Variants in COL4A1 observed in about 807,000 individuals in gnomAD.
The protein encoded by COL4A1 is collagen alpha-1(IV) chain.
A neutral mutation model predicts 216.6 loss-of-function variants in COL4A1; 40 were observed. That is an observed-to-expected ratio of 0.18 (90% CI 0.14 to 0.24). The LOEUF (loss-of-function observed/expected upper bound fraction) is 0.24. Among genes scored for constraint, COL4A1 ranks in the 10% least tolerant of loss-of-function variants. The pLI is 1.00. For synonymous variants in COL4A1, 839 were observed against 810.7 expected (o/e 1.03, Z -0.59); for missense variants, 1,628 against 2,196.8 (o/e 0.74, Z 5.18).
At chr13:110,239,058 G>A (rs1881445829) in intron 2 of COL4A1, among the ~76,000 whole-genome samples, 1 of 152,104 alleles carries the variant, frequency 6.6e-6, no homozygotes, top group Non-Finnish European at 1.5e-5. Flanking sequence ...GAAGATATGA[G>A]TGGCCTTCCA....
At chr13:110,231,915 G>A (rs897302882) in intron 2 of COL4A1, among the ~76,000 whole-genome samples, 1 of 152,230 alleles carries the variant, frequency 6.6e-6, no homozygotes, top group African/African-American at 2.4e-5. Flanking sequence ...GACGCCCACA[G>A]AAAATTCTCT....
chr13:110,305,826 A>C (rs1884675725), intron 1 of COL4A1: 2 of 152,254 alleles, frequency 1.3e-5, no homozygotes, highest in South Asian at 4.1e-4. Flanking sequence ...AACAATTTCT[A>C]TACAGTTAAG....
chr13:110,251,405 C>T (rs977101611), intron 1 of COL4A1, among the ~76,000 whole-genome samples: 5 of 152,264 alleles, frequency 3.3e-5, no homozygotes, highest in Non-Finnish European at 7.3e-5. Context: ...CACTCCTTCA[C>T]AGCTCCTGGC....
In COL4A1 at chr13:110,219,675, T is replaced by TGTGTATATATATGTATATAC. The variant is rs1880287210; in HGVS notation, c.145-5661_145-5660insGTATATACATATATATACAC. ...ATATATATATATGTATATATATATA[T>TGTGTATATATATGTATATAC]ATGTGTATATATATGTATATATATG... is the stretch of plus-strand genomic sequence containing the variant. On this transcript the variant is annotated intron_variant, in intron 2 of 51. Coordinates refer to ENST00000375820, the MANE Select transcript of COL4A1 (RefSeq NM_001845.6). Among the ~76,000 whole-genome samples the TGTGTATATATATGTATATAC allele has an allele frequency of 2.8e-4, 22 of 79,378 alleles. No homozygotes were observed. The South Asian group carries it at 8.2e-3, about 29-fold the overall frequency. 52.1% of individuals were successfully genotyped at this position (79,378 alleles called of 152,430 possible).
intron 21 of COL4A1, among the ~76,000 whole-genome samples, chr13:110,196,530 C>T (rs578168858): frequency 1.3e-5 from 2 of 152,248 alleles, no homozygotes; most frequent in African/African-American, 4.8e-5. Flanking sequence ...TTTTCCAGAG[C>T]ATAACTCCTG....
intron 24 of COL4A1, among the ~76,000 whole-genome samples, chr13:110,188,776 G>A (rs570298406): frequency 1.3e-5 from 2 of 152,258 alleles, no homozygotes; most frequent in African/African-American, 2.4e-5. Flanking sequence ...AACCTAAATG[G>A]AGCAGACTTG....
chr13:110,210,038 G>A lies in COL4A1; in HGVS notation c.557C>T (p.Pro186Leu). Residue 186 changes from proline to leucine, a missense_variant, in exon 10 of 52, where the codon CCA becomes CTA. Pro to Leu is a moderately conservative substitution (Grantham distance 98). Coordinates refer to ENST00000375820, the MANE Select transcript of COL4A1 (RefSeq NM_001845.6). ...GFPGIPGTPG[P>L]PGLPGLQGPV... ...ACCTTGAAGCCCTGGCAGTCCTGGT[G>A]GGCCCTAGAATGCATGAGAAAGAAA... 1.2e-6 allele frequency: 2 copies of A among 1,614,158 alleles called. No individual in the cohort carries two copies. The highest frequency in any genetic ancestry group is 1.7e-6 in the Non-Finnish European group (2 of 1,180,034).
chr13:110,193,412 G>C (rs1878734067), intron 22 of COL4A1, among the ~76,000 whole-genome samples: 2 of 152,226 alleles, frequency 1.3e-5, no homozygotes, highest in Non-Finnish European at 1.5e-5. Flanking sequence ...GGACAGAAGA[G>C]GAGAGAGACT....
chr13:110,163,539 T>A lies in COL4A1; in HGVS notation c.4173A>T (p.Ile1391=). 1 of 1,614,046 alleles carries A rather than the reference T, an allele frequency of 6.2e-7. No individual in the cohort carries two copies. The highest frequency in any genetic ancestry group is 8.5e-7 in the Non-Finnish European group (1 of 1,179,974). ...ACCCAGGAATACCTGGAGGTCCAGG[T>A]ATACCCACCAATCCTGTAACACCTG... ...GQQGVTGLVG[I]PGPPGIPGFD... The change falls in exon 47 of 52, where the codon ATA becomes ATT. Residue 1391 remains isoleucine (I), a synonymous_variant. Coordinates refer to ENST00000375820, the MANE Select transcript of COL4A1 (RefSeq NM_001845.6).
At chr13:110,226,202 T>G (rs983167397) in intron 2 of COL4A1, among the ~76,000 whole-genome samples, 3 of 152,232 alleles carry the variant, frequency 2.0e-5, no homozygotes, top group African/African-American at 7.2e-5. Flanking sequence ...TGGAATTTCT[T>G]GAGTATTTAA....
At chr13:110,180,078 A>G (rs1453325870) in intron 29 of COL4A1, among the ~76,000 whole-genome samples, 2 of 152,166 alleles carry the variant, frequency 1.3e-5, no homozygotes, top group Non-Finnish European at 2.9e-5. Flanking sequence ...ATTTCCAGAG[A>G]GGGAGGATTT....
At chr13:110,262,588 T>C (rs927366968) in intron 1 of COL4A1, among the ~76,000 whole-genome samples, 1 of 152,126 alleles carries the variant, frequency 6.6e-6, no homozygotes, top group Non-Finnish European at 1.5e-5. Flanking sequence ...AATCTCGGAG[T>C]GCTTTTCATC....
At chr13:110,277,675 T>C (rs983047266) in intron 1 of COL4A1, among the ~76,000 whole-genome samples, 2 of 152,128 alleles carry the variant, frequency 1.3e-5, no homozygotes, top group African/African-American at 4.8e-5. Flanking sequence ...TCTGTAAACA[T>C]AAATAAAATG....
At chr13:110,164,621 C>T (rs1474591956) in intron 46 of COL4A1, among the ~76,000 whole-genome samples, 3 of 152,178 alleles carry the variant, frequency 2.0e-5, no homozygotes, top group Non-Finnish European at 4.4e-5. Context: ...TCTAACTGAA[C>T]ACAGATGTGT....
rs754208625 is a variant in COL4A1 at position 110,177,852 on chromosome 13, C to T, written c.2706G>A (p.Pro902=). Reference sequence around the variant, plus strand: ...TATCAGCTCCCCTACCTTTTTCACCCGGTAATCCAGGAGCACCCACTGGTC... The same window carrying T: ...TATCAGCTCCCCTACCTTTTTCACCTGGTAATCCAGGAGCACCCACTGGTC... ...SPGPVGAPGL[P]GEKGDHGFPG... The change falls in exon 33 of 52, where the codon CCG becomes CCA. Residue 902 remains proline, a synonymous_variant. Coordinates refer to ENST00000375820, the MANE Select transcript of COL4A1 (RefSeq NM_001845.6). The T allele has an allele frequency of 1.7e-5, 27 of 1,613,984 alleles. No homozygotes were observed. The highest frequency in any genetic ancestry group is 4.4e-5 in the South Asian group (4 of 91,082).
chr13:110,172,003 G>A (rs1432651651), intron 41 of COL4A1, among the ~76,000 whole-genome samples: 4 of 152,230 alleles, frequency 2.6e-5, no homozygotes, highest in East Asian at 3.9e-4. Context: ...GAGAACCAGG[G>A]GGTGGGAGAA....
intron 26 of COL4A1, among the ~76,000 whole-genome samples, chr13:110,185,979 C>T (rs144073945): frequency 7.7e-4 from 118 of 152,300 alleles, no homozygotes; most frequent in East Asian, 2.1e-3. Flanking sequence ...CATTCACAGG[C>T]GTCTGCCGAC....
At chr13:110,273,692 T>TA (rs1883330293) in intron 1 of COL4A1, among the ~76,000 whole-genome samples, 1 of 152,230 alleles carries the variant, frequency 6.6e-6, no homozygotes, top group African/African-American at 2.4e-5. Context: ...GGAATGGGTA[T>TA]AAAGTCTGGA....
At chr13:110,242,845 T>C in intron 1 of COL4A1, 111 bp from the exon 2 acceptor site, 4 of 1,182,856 alleles carry the variant, frequency 3.4e-6, no homozygotes. Context: ...AAGCCTGCCC[T>C]GTCCTTCGGA....
Sources: allele counts gnomAD v4.1 joint callset (sites outside exome capture counted in the v4.1 genomes callset), GRCh38; gene constraint gnomAD v4.1.1; transcripts MANE v1.5; gene names NCBI Gene and HGNC (gene_info 2026-07-23, HGNC 2026-07-21).